Variants in DACH2 observed in about 807,000 individuals in gnomAD.
The protein encoded by DACH2 is dachshund homolog 2.
In DACH2, 17 loss-of-function variants were observed where a neutral mutation model predicts 35.8. The ratio of observed to expected loss-of-function variants is 0.48; its 90% confidence interval spans 0.33 to 0.71. The LOEUF (loss-of-function observed/expected upper bound fraction) is 0.71. Ranked by LOEUF, DACH2 falls within the 30% of genes least tolerant of loss-of-function variation. The pLI is 0.02. For synonymous variants in DACH2, 195 were observed against 177.3 expected, an observed-to-expected ratio of 1.10 and a Z score of -0.79; for missense variants, 469 against 472.7, an observed-to-expected ratio of 0.99 and a Z score of 0.07.
intron 2 of DACH2, among the ~76,000 whole-genome samples, chrX:86,422,189 T>C (rs2036815669): frequency 9.0e-6 from 1 of 111,085 alleles, no homozygotes; most frequent in African/African-American, 3.3e-5. Context: ...CTGACATATA[T>C]AGTGTGCATG....
At chrX:86,642,806 C>T (rs1359531146) in intron 3 of DACH2, among the ~76,000 whole-genome samples, 1 of 111,711 alleles carries the variant, frequency 9.0e-6, no homozygotes, top group African/African-American at 3.3e-5. Flanking sequence ...ATGAAAATCT[C>T]TAAAAAACAT....
At chrX:86,282,139 A>T (rs1215847879) in intron 1 of DACH2, among the ~76,000 whole-genome samples, 3 of 93,784 alleles carry the variant, frequency 3.2e-5, no homozygotes, top group African/African-American at 1.2e-4. Context: ...TCAAAGAATT[A>T]GAAAAATTTA....
chrX:86,723,423 G>A (rs1253143435), intron 6 of DACH2, among the ~76,000 whole-genome samples: 3 of 108,296 alleles, frequency 2.8e-5, no homozygotes, highest in Non-Finnish European at 3.8e-5. Flanking sequence ...GTTTGAAGTA[G>A]GCAGTTAACG....
intron 2 of DACH2, among the ~76,000 whole-genome samples, chrX:86,494,409 G>A (rs1029928194): frequency 1.8e-5 from 2 of 111,929 alleles, no homozygotes; most frequent in Admixed American, 9.5e-5. Context: ...AGCATCAAAG[G>A]TGGATATAAG....
chrX:86,628,797 C>G (rs1361624555), intron 3 of DACH2, among the ~76,000 whole-genome samples: 2 of 111,481 alleles, frequency 1.8e-5, no homozygotes, highest in Non-Finnish European at 3.8e-5. Context: ...TGTGGTATAT[C>G]CAAGGGAAGA....
intron 1 of DACH2, among the ~76,000 whole-genome samples, chrX:86,236,306 T>G: frequency 8.9e-6 from 1 of 112,243 alleles, no homozygotes; most frequent in Non-Finnish European, 1.9e-5. Flanking sequence ...CAGCAACGTC[T>G]TGTACATTGT....
At chrX:86,694,507 G>A (rs1456300244) in intron 4 of DACH2, among the ~76,000 whole-genome samples, 1 of 111,757 alleles carries the variant, frequency 8.9e-6, no homozygotes, top group African/African-American at 3.3e-5. Flanking sequence ...TCCTATTTTT[G>A]TCCAGCTTAT....
chrX:86,603,927 AT>A (rs754798286), intron 3 of DACH2, among the ~76,000 whole-genome samples: 2 of 110,856 alleles, frequency 1.8e-5, no homozygotes, highest in Admixed American at 1.9e-4. Context: ...TGTGGTGTTT[AT>A]TTTTAAAGTG....
chrX:86,232,184 A>G (rs1002441888), intron 1 of DACH2, among the ~76,000 whole-genome samples: 2 of 111,527 alleles, frequency 1.8e-5, no homozygotes, highest in African/African-American at 6.5e-5. Context: ...TGAAAAGATA[A>G]CATATACACA....
chrX:86,799,418 C>T (rs2042270284), intron 7 of DACH2, among the ~76,000 whole-genome samples: 1 of 112,021 alleles, frequency 8.9e-6, no homozygotes, highest in Admixed American at 9.5e-5. Flanking sequence ...ATAGGAACAG[C>T]TCGTGTCTGC....
At chrX:86,338,864 T>C (rs1005377507) in intron 1 of DACH2, among the ~76,000 whole-genome samples, 2 of 111,407 alleles carry the variant, frequency 1.8e-5, no homozygotes. Context: ...ATAGATGCAA[T>C]AAAAAGTGAT....
At chrX:86,335,759 GC>G (rs2035296366) in intron 1 of DACH2, among the ~76,000 whole-genome samples, 1 of 111,387 alleles carries the variant, frequency 9.0e-6, no homozygotes, top group African/African-American at 3.3e-5. Context: ...TTGCCTGATT[GC>G]CCTGGCCAGA....
At chrX:86,412,270 A>C (rs781055122) in intron 2 of DACH2, among the ~76,000 whole-genome samples, 5 of 111,060 alleles carry the variant, frequency 4.5e-5, no homozygotes, top group Non-Finnish European at 9.4e-5. Context: ...GGAAAGCAAA[A>C]ATTTTGCTAG....
chrX:86,396,649 C>A (rs1490327516), intron 2 of DACH2, among the ~76,000 whole-genome samples: 1 of 110,533 alleles, frequency 9.0e-6, no homozygotes, highest in Non-Finnish European at 1.9e-5. Context: ...ATAGGGGATC[C>A]TTTCCCCGTT....
At chrX:86,199,107 C>A (rs879111468) in intron 1 of DACH2, among the ~76,000 whole-genome samples, 1 of 110,143 alleles carries the variant, frequency 9.1e-6, no homozygotes, top group Admixed American at 9.7e-5. Context: ...AAAGTTAGTT[C>A]AATATACACA....
chrX:86,543,763 C>T (rs2038918957), intron 3 of DACH2, among the ~76,000 whole-genome samples: 1 of 98,973 alleles, frequency 1.0e-5, no homozygotes, highest in South Asian at 5.0e-4. Flanking sequence ...CATATTCTCA[C>T]TCATAGGTGG....
chrX:86,591,541 A>ATTTTTTTTT (rs566345938), intron 3 of DACH2, among the ~76,000 whole-genome samples: 5 of 93,221 alleles, frequency 5.4e-5, no homozygotes, highest in Admixed American at 1.2e-4. Context: ...TTCTTTGGCT[A>ATTTTTTTTT]TTTTTTTTTT....
At chrX:86,663,827 C>T (rs1208107982) in intron 4 of DACH2, among the ~76,000 whole-genome samples, 2 of 111,375 alleles carry the variant, frequency 1.8e-5, no homozygotes, top group African/African-American at 6.5e-5. Context: ...ATTAAATTGT[C>T]AAGTCTCTCT....
intron 7 of DACH2, among the ~76,000 whole-genome samples, chrX:86,765,011 G>T (rs2147287923): frequency 9.0e-6 from 1 of 111,578 alleles, no homozygotes; most frequent in African/African-American, 3.3e-5. Flanking sequence ...ATATTTGTTG[G>T]ATACTTGTAT....
Sources: gnomAD v4.1 joint callset for allele counts (sites outside exome capture counted in the v4.1 genomes callset) on GRCh38, gnomAD v4.1.1 for gene constraint, MANE v1.5 for transcripts, NCBI Gene and HGNC (gene_info 2026-07-23, HGNC 2026-07-21) for gene names.